Variants in LUZP1 observed in about 807,000 individuals in gnomAD.
The protein encoded by LUZP1 is leucine zipper protein 1, also known as filamin mechanobinding actin cross-linking protein.
In LUZP1, 25 loss-of-function variants were observed where a neutral mutation model predicts 71.3. That is an observed-to-expected ratio of 0.35 (90% CI 0.26 to 0.49). The LOEUF (loss-of-function observed/expected upper bound fraction) is 0.49, where lower values mean the gene tolerates loss of function less well. LUZP1 is among the 20% of genes least tolerant of loss of function. The pLI is 0.99. For synonymous variants in LUZP1, 481 were observed against 506.4 expected, an observed-to-expected ratio of 0.95 and a Z score of 0.67; for missense variants, 1,142 against 1,300.8, an observed-to-expected ratio of 0.88 and a Z score of 1.88.
chr1:23,110,665 C>CACACACACACA (rs1557647742), intron 2 of LUZP1, among the ~76,000 whole-genome samples: 4 of 151,808 alleles, frequency 2.6e-5, no homozygotes, highest in African/African-American at 9.7e-5. Context: ...CACACACACA[C>CACACACACACA]CCATCCCTGC....
At chr1:23,126,081 T>C (rs1298415324) in intron 2 of LUZP1, among the ~76,000 whole-genome samples, 1 of 152,168 alleles carries the variant, frequency 6.6e-6, no homozygotes, top group African/African-American at 2.4e-5. Context: ...GAAGTGTGTA[T>C]GGGAGGGCGA....
intron 2 of LUZP1, among the ~76,000 whole-genome samples, chr1:23,114,709 T>C (rs369546274): frequency 6.6e-6 from 1 of 152,200 alleles, no homozygotes; most frequent in South Asian, 2.1e-4. Flanking sequence ...GAGCCAGTGA[T>C]CTTTTCTGAC....
At chr1:23,104,270 G>A (rs1643961658) in intron 3 of LUZP1, among the ~76,000 whole-genome samples, 1 of 150,736 alleles carries the variant, frequency 6.6e-6, no homozygotes, top group Admixed American at 6.6e-5. Flanking sequence ...ACCTTCGTTT[G>A]CTGGGTTCAA....
intron 1 of LUZP1, among the ~76,000 whole-genome samples, chr1:23,171,753 G>A (rs1644554215): frequency 6.6e-6 from 1 of 152,222 alleles, no homozygotes; most frequent in Non-Finnish European, 1.5e-5. Flanking sequence ...AATCATGGCT[G>A]TAAGATTGCT....
intron 3 of LUZP1, among the ~76,000 whole-genome samples, chr1:23,108,551 G>C (rs1244906224): frequency 2.0e-5 from 3 of 152,186 alleles, no homozygotes; most frequent in Admixed American, 6.5e-5. Context: ...AGTGAGCCAT[G>C]ATCACGCCAC....
chr1:23,101,523 A>G (rs1301398833), intron 3 of LUZP1, among the ~76,000 whole-genome samples: 1 of 152,218 alleles, frequency 6.6e-6, no homozygotes, highest in Non-Finnish European at 1.5e-5. Flanking sequence ...ATAAAAGAAT[A>G]TCAACTACCT....
Position 23,173,297 on chromosome 1 carries a change from GT to G in LUZP1, c.-485+4193del, listed in dbSNP as rs1347935907. 4.8e-4 allele frequency among the ~76,000 whole-genome samples: 47 copies of G among 97,012 alleles called. No individual in the cohort carries two copies. In the South Asian group the frequency reaches 6.1e-3, roughly 13 times the overall value. The allele number at this position is 97,012 out of a possible 152,430, so 63.6% of individuals were successfully genotyped here. On this transcript the variant is annotated intron_variant, in intron 1 of 4. Transcript: ENST00000302291. ...ATAAAAAAGAGCTAGAGAACCTTCA[GT>G]TTTTTTTCTTTTTTTTTTGCTTTGC...
At chr1:23,147,419 G>A (rs1644352272) in intron 2 of LUZP1, among the ~76,000 whole-genome samples, 1 of 149,480 alleles carries the variant, frequency 6.7e-6, no homozygotes, top group Admixed American at 6.7e-5. Flanking sequence ...TCAGCCTGGG[G>A]TGACAGAGCA....
At chr1:23,114,053 G>C (rs1457189328) in intron 2 of LUZP1, among the ~76,000 whole-genome samples, 1 of 152,090 alleles carries the variant, frequency 6.6e-6, no homozygotes, top group Non-Finnish European at 1.5e-5. Context: ...ACAGAGGAAA[G>C]AGTCAGTGAA....
exon 5 of LUZP1, chr1:23,087,557 T>C (rs1432798813): frequency 6.6e-6 from 1 of 152,630 alleles, no homozygotes; most frequent in Non-Finnish European, 1.5e-5. Flanking sequence ...GGTAGTTTAA[T>C]GTTCTCTCAT....
Position 23,094,130 on chromosome 1 carries a change from G to C in LUZP1, c.132C>G (p.Leu44=), listed in dbSNP as rs752679614. 21 of 1,614,182 alleles carry C rather than the reference G, an allele frequency of 1.3e-5. No individual in the cohort carries two copies. The Middle Eastern group carries it at 4.9e-4, about 38-fold the overall frequency. ...GAATCACCTTGTCCTGGAGATCCAG[G>C]AGTTCATCCTCTGCTTTCTGGAGGT... The change falls in exon 4 of 5, where the codon CTC becomes CTG. Residue 44 remains leucine, a synonymous_variant. Transcript: ENST00000302291. This position sits in a 1 kb window ranked among gnomAD's most constrained non-coding sequence, Gnocchi z 4.7.
intron 2 of LUZP1, among the ~76,000 whole-genome samples, chr1:23,145,510 C>A (rs1194877293): frequency 6.8e-6 from 1 of 146,466 alleles, no homozygotes. Context: ...ACTCTTGTTG[C>A]CCAGGCTGGA....
At chr1:23,095,648 G>C (rs1643888393) in intron 3 of LUZP1, among the ~76,000 whole-genome samples, 1 of 152,136 alleles carries the variant, frequency 6.6e-6, no homozygotes, top group Non-Finnish European at 1.5e-5. Context: ...AAGGATTATT[G>C]AAGAACTACA....
chr1:23,103,167 A>T (rs549659707), intron 3 of LUZP1, among the ~76,000 whole-genome samples: 54 of 150,300 alleles, frequency 3.6e-4, no homozygotes, highest in Non-Finnish European at 5.9e-4. Context: ...AAACTCCTGG[A>T]CTCAAGCCAT....
intron 2 of LUZP1, among the ~76,000 whole-genome samples, chr1:23,167,833 A>G (rs1399913144): frequency 6.6e-6 from 1 of 151,564 alleles, no homozygotes; most frequent in Non-Finnish European, 1.5e-5. Flanking sequence ...AGCCCCAGAA[A>G]CCGCACTTCA....
In LUZP1 at chr1:23,171,099, A is replaced by AAAAT. The variant is rs1553143580; in HGVS notation, c.-484-2076_-484-2075insATTT. 3.6e-5 allele frequency among the ~76,000 whole-genome samples: 5 copies of AAAAT among 139,436 alleles called. No individual in the cohort carries two copies. The South Asian group carries it at 6.9e-4, about 19-fold the overall frequency. 91.5% of individuals were successfully genotyped at this position (139,436 alleles called of 152,430 possible). On this transcript the variant is annotated intron_variant, in intron 1 of 4. Coordinates refer to ENST00000302291, the Ensembl canonical transcript of LUZP1. ...TCGAGACCCTGTCTCAAAAAAAAAA[A>AAAAT]ATATATATATATATATATAATTACT...
intron 2 of LUZP1, among the ~76,000 whole-genome samples, chr1:23,113,967 T>C (rs1257094501): frequency 1.3e-5 from 2 of 149,534 alleles, no homozygotes; most frequent in Non-Finnish European, 3.0e-5. Flanking sequence ...AAAATTTAAG[T>C]GGAAATTTTT....
exon 5 of LUZP1, chr1:23,089,027 G>A (rs1307449546): frequency 2.5e-6 from 4 of 1,613,922 alleles, no homozygotes; most frequent in Admixed American, 1.7e-5. Context: ...TGTAGACACT[G>A]AGTGTACAGT....
chr1:23,087,754 G>C (rs1430254680), exon 5 of LUZP1: 1 of 152,638 alleles, frequency 6.6e-6, no homozygotes, highest in Non-Finnish European at 1.5e-5. Context: ...GCTGCATTTT[G>C]AACTATATAA....
Sources: gnomAD v4.1 joint callset for allele counts (sites outside exome capture counted in the v4.1 genomes callset) on GRCh38, gnomAD v4.1.1 for gene constraint, Gnocchi (gnomAD v3.1) non-coding constraint, MANE v1.5 for transcripts, NCBI Gene and HGNC (gene_info 2026-07-23, HGNC 2026-07-21) for gene names.